Variants in CATSPERE observed in about 807,000 individuals in gnomAD.
CATSPERE encodes cation channel sperm-associated auxiliary subunit epsilon.
A neutral mutation model predicts 114.1 loss-of-function variants in CATSPERE; 93 were observed. The observed-to-expected ratio is 0.81, with a 90% CI of 0.69 to 0.97. The LOEUF is 0.97. Among genes scored for constraint, CATSPERE ranks in the 50% least tolerant of loss-of-function variants. CATSPERE has a pLI of 0.00. For missense variants in CATSPERE, 1,058 were observed against 1,131.6 expected, an observed-to-expected ratio of 0.93 and a Z score of 0.93; for synonymous variants, 341 against 384.1, an observed-to-expected ratio of 0.89 and a Z score of 1.31.
At chr1:244,571,326 T>A (rs773093826) in intron 10 of CATSPERE, among the ~76,000 whole-genome samples, 4 of 152,218 alleles carry the variant, frequency 2.6e-5, no homozygotes, top group Non-Finnish European at 5.9e-5. Context: ...ATTCCCCTCT[T>A]CCTTCCAGCC....
chr1:244,451,808 C>T (rs1390603966), upstream of CATSPERE: 3 of 1,586,738 alleles, frequency 1.9e-6, no homozygotes, highest in Non-Finnish European at 2.6e-6. The surrounding 1 kb of genome is among the most constrained non-coding windows in gnomAD (Gnocchi z 6.6). Context: ...TAGGTCTCGG[C>T]GAACGCCATG....
upstream of CATSPERE, among the ~76,000 whole-genome samples, chr1:244,453,491 G>A (rs753191106): frequency 2.3e-4 from 35 of 152,304 alleles, no homozygotes; most frequent in Non-Finnish European, 4.6e-4. Context: ...TGAACCCCTT[G>A]GGCGGTTACA....
chr1:244,466,236 A>T (rs1667585365), intron 2 of CATSPERE, among the ~76,000 whole-genome samples: 1 of 152,224 alleles, frequency 6.6e-6, no homozygotes, highest in African/African-American at 2.4e-5. Flanking sequence ...AATATTTTAT[A>T]TAAGATTCTT....
At chr1:244,629,044 A>C (rs539747781) in intron 20 of CATSPERE, among the ~76,000 whole-genome samples, 1 of 152,180 alleles carries the variant, frequency 6.6e-6, no homozygotes, top group African/African-American at 2.4e-5. Context: ...GGGGGTCAGA[A>C]GTTCAATTTC....
intron 1 of CATSPERE, 49 bp downstream of exon 1, chr1:244,461,543 G>T: frequency 8.0e-7 from 1 of 1,254,028 alleles, no homozygotes; most frequent in Non-Finnish European, 1.0e-6. Flanking sequence ...GATTACCCCC[G>T]GCGGGGCAGG....
At chr1:244,465,332 C>T (rs1482715653) in intron 2 of CATSPERE, among the ~76,000 whole-genome samples, 1 of 152,154 alleles carries the variant, frequency 6.6e-6, no homozygotes, top group East Asian at 1.9e-4. Context: ...CCGCGCCTGT[C>T]CAGGGCTCTT....
At chr1:244,506,366 A>G (rs1158085733) in intron 7 of CATSPERE, among the ~76,000 whole-genome samples, 1 of 152,230 alleles carries the variant, frequency 6.6e-6, no homozygotes. Flanking sequence ...GGATGCACAA[A>G]TATCTGCTCA....
chr1:244,475,482 C>T (rs1669172795), intron 2 of CATSPERE, among the ~76,000 whole-genome samples: 3 of 151,704 alleles, frequency 2.0e-5, no homozygotes, highest in Admixed American at 6.6e-5. Context: ...GAGCTACCTG[C>T]CTTGGCCTCC....
chr1:244,507,999 T>C (rs545836938), intron 7 of CATSPERE, among the ~76,000 whole-genome samples: 47 of 152,290 alleles, frequency 3.1e-4, no homozygotes, highest in African/African-American at 1.1e-3. Flanking sequence ...TTTCTATTTC[T>C]GTAAAGAATG....
At chr1:244,586,896 ACT>A (rs1667104007) in intron 13 of CATSPERE, among the ~76,000 whole-genome samples, 1 of 152,034 alleles carries the variant, frequency 6.6e-6, no homozygotes, top group Non-Finnish European at 1.5e-5. Flanking sequence ...AGCAGCCATG[ACT>A]CTCTGCCTGG....
At chr1:244,600,310 CAA>C (rs1669014553) in intron 17 of CATSPERE, among the ~76,000 whole-genome samples, 1 of 147,028 alleles carries the variant, frequency 6.8e-6, no homozygotes, top group Non-Finnish European at 1.5e-5. Flanking sequence ...CCTGTGAGGC[CAA>C]GAGGCTCTTT....
chr1:244,519,025 TAC>T lies in CATSPERE; in HGVS notation c.536+344_536+345del, dbSNP rs769775193. ...GGTGTCCAGTGCCCGTACACACACA[TAC>T]ACACACACACACACACCACAAATTC... On this transcript the variant is annotated intron_variant, in intron 8 of 21. Coordinates refer to ENST00000366534, the MANE Select transcript of CATSPERE (RefSeq NM_001130957.2). Among the ~76,000 whole-genome samples the T allele has an allele frequency of 7.6e-3, 1,139 of 149,764 alleles. 15 individuals carry two copies. Among genetic ancestry groups the T allele is most frequent in the African/African-American group, 0.025 (1,022 of 40,966 alleles).
At chr1:244,532,158 G>T (rs1679715744) in intron 8 of CATSPERE, among the ~76,000 whole-genome samples, 1 of 151,886 alleles carries the variant, frequency 6.6e-6, no homozygotes, top group African/African-American at 2.4e-5. Context: ...AATTTCTGTG[G>T]CATTGGTAGT....
chr1:244,487,752 CAG>C (rs992772696), intron 5 of CATSPERE, among the ~76,000 whole-genome samples: 14 of 152,236 alleles, frequency 9.2e-5, no homozygotes, highest in Middle Eastern at 3.4e-3. Context: ...GGAGGGGAAT[CAG>C]GGGTAAATAA....
At chr1:244,493,714 T>C (rs2148246058) in intron 6 of CATSPERE, among the ~76,000 whole-genome samples, 1 of 152,296 alleles carries the variant, frequency 6.6e-6, no homozygotes, top group East Asian at 1.9e-4. Flanking sequence ...GACAAAGGAC[T>C]AATATCCAGA....
intron 12 of CATSPERE, among the ~76,000 whole-genome samples, chr1:244,583,157 G>C (rs1404961010): frequency 2.6e-5 from 4 of 151,930 alleles, no homozygotes; most frequent in African/African-American, 4.8e-5. Context: ...GATTTACATT[G>C]CTATAGAATA....
chr1:244,587,302 C>A (rs758079723), intron 13 of CATSPERE, among the ~76,000 whole-genome samples: 1 of 152,176 alleles, frequency 6.6e-6, no homozygotes, highest in Non-Finnish European at 1.5e-5. Flanking sequence ...TTGCTACTAA[C>A]GGTAGAGGTA....
At chr1:244,593,652 G>A in intron 17 of CATSPERE, 74 bp downstream of exon 17, 9 of 1,200,196 alleles carry the variant, frequency 7.5e-6, no homozygotes, top group Non-Finnish European at 1.1e-5. Context: ...AAGACTAATT[G>A]ATCATGCATC....
At chr1:244,459,080 C>CTTT (rs36076606), upstream of CATSPERE, among the ~76,000 whole-genome samples, 9 of 134,490 alleles carry the variant, frequency 6.7e-5, no homozygotes, top group Non-Finnish European at 9.6e-5. Context: ...CTGGGCTCAG[C>CTTT]TTTTTTTTTT....
Sources: gnomAD v4.1 joint callset for allele counts (sites outside exome capture counted in the v4.1 genomes callset) on GRCh38, gnomAD v4.1.1 for gene constraint, Gnocchi (gnomAD v3.1) non-coding constraint, MANE v1.5 for transcripts, NCBI Gene and HGNC (gene_info 2026-07-23, HGNC 2026-07-21) for gene names.